ALG12: variants seen among roughly 807,000 people sequenced by gnomAD.
The protein encoded by ALG12 is dol-P-Man:Man(7)GlcNAc(2)-PP-Dol alpha-1,6-mannosyltransferase.
ALG12 carries 36 observed loss-of-function variants against 46.0 expected under a neutral mutation model. That is an observed-to-expected ratio of 0.78 (90% CI 0.60 to 1.03). The LOEUF is 1.03. ALG12 is among the 50% of genes least tolerant of loss of function. The pLI is 0.00. For synonymous variants in ALG12, 326 were observed against 291.6 expected, an observed-to-expected ratio of 1.12 and a Z score of -1.20; for missense variants, 599 against 633.5, an observed-to-expected ratio of 0.95 and a Z score of 0.58.
the ALG12 span, among the ~76,000 whole-genome samples, chr22:49,864,370 A>G: frequency 6.6e-6 from 1 of 152,244 alleles, no homozygotes; most frequent in Admixed American, 6.5e-5. Flanking sequence ...ATTACTGAAA[A>G]CAGTGAAGAT....
At chr22:49,892,704 T>C in the ALG12 span, among the ~76,000 whole-genome samples, 8 of 152,230 alleles carry the variant, frequency 5.3e-5, no homozygotes, top group African/African-American at 1.9e-4. Context: ...AGTCTGGACA[T>C]GGCTTGAGCC....
chr22:49,887,939 GA>G, the ALG12 span: 36 of 167,268 alleles, frequency 2.2e-4, no homozygotes, highest in African/African-American at 8.4e-4. Context: ...ATGACACGCT[GA>G]TGGCAGGTGG....
intron 1 of ALG12, among the ~76,000 whole-genome samples, chr22:49,916,695 A>G (rs2060611227): frequency 6.6e-6 from 1 of 152,226 alleles, no homozygotes; most frequent in Non-Finnish European, 1.5e-5. Flanking sequence ...CCACAAAAAT[A>G]ATCCCAGCTA....
At chr22:49,884,038 A>C in the ALG12 span, 26 of 1,603,592 alleles carry the variant, frequency 1.6e-5, no homozygotes, top group Non-Finnish European at 1.8e-5. Flanking sequence ...GCATTTTTTT[A>C]TCTCTCCCCG....
At position 49,910,576 on chromosome 22, in the gene ALG12, A is replaced by C. The variant is rs886057614; in HGVS notation, c.327T>G (p.Phe109Leu). Residue 109 changes from phenylalanine to leucine, a missense_variant, in exon 4 of 10, where the codon TTT becomes TTG. By Grantham distance (22) the Phe-to-Leu change is conservative (BLOSUM62 0). Coordinates refer to ENST00000330817, the MANE Select transcript of ALG12 (RefSeq NM_024105.4). ...VRGVLGLGVI[F>L]GLWTLQKEVR... ...CTTCCTTTTGTAACGTCCAGAGTCCAAAAATCACGCCGAGTCCAAGCACTC... is the reference window on the plus strand; with the variant it reads ...CTTCCTTTTGTAACGTCCAGAGTCCCAAAATCACGCCGAGTCCAAGCACTC... 1.3e-5 allele frequency: 21 copies of C among 1,614,044 alleles called. No homozygotes were observed. Among genetic ancestry groups the C allele is most frequent in the Non-Finnish European group, 1.6e-5 (19 of 1,180,042 alleles).
At position 49,904,157 on chromosome 22, in the gene ALG12, C is replaced by A. The variant is rs2060530003; in HGVS notation, c.1238+22G>T. 3 of 1,614,190 alleles carry A rather than the reference C, an allele frequency of 1.9e-6. No individual in the cohort carries two copies. The Admixed American group carries it at 5.0e-5, about 27-fold the overall frequency. ...GGCCCTCACATGGCCTCTGGGAGGGCCGTGCTGTGTGTGGATCCTACCTCC... is the reference window on the plus strand; with the variant it reads ...GGCCCTCACATGGCCTCTGGGAGGGACGTGCTGTGTGTGGATCCTACCTCC... On this transcript the variant is annotated intron_variant, in intron 9 of 9. Coordinates refer to ENST00000330817, the MANE Select transcript of ALG12 (RefSeq NM_024105.4).
At chr22:49,916,201 C>T (rs958834635) in intron 1 of ALG12, among the ~76,000 whole-genome samples, 8 of 152,026 alleles carry the variant, frequency 5.3e-5, no homozygotes, top group Non-Finnish European at 1.2e-4. Context: ...TGCAGTGAGC[C>T]GAGATCGCGC....
the ALG12 span, among the ~76,000 whole-genome samples, chr22:49,876,469 T>C: frequency 6.6e-6 from 1 of 152,238 alleles, no homozygotes; most frequent in African/African-American, 2.4e-5. Context: ...TATATGCACC[T>C]TTGGGAGAAT....
chr22:49,859,615 C>A, the ALG12 span, among the ~76,000 whole-genome samples: 1 of 152,206 alleles, frequency 6.6e-6, no homozygotes, highest in Non-Finnish European at 1.5e-5. Context: ...AGTCATTGTG[C>A]TTGTCTGTTA....
the ALG12 span, among the ~76,000 whole-genome samples, chr22:49,871,758 T>TTTTA: frequency 1.7e-5 from 2 of 119,772 alleles, no homozygotes; most frequent in South Asian, 2.8e-4. Context: ...TATTTATTTA[T>TTTTA]TTTTTTTTTT....
At chr22:49,864,839 A>AAAAAG in the ALG12 span, among the ~76,000 whole-genome samples, 727 of 133,060 alleles carry the variant, frequency 5.5e-3, 64 homozygotes, top group African/African-American at 0.024. Flanking sequence ...AAAAAAAAAA[A>AAAAAG]GCCCTGATTA....
At chr22:49,896,723 C>T (rs879353252), downstream of ALG12, among the ~76,000 whole-genome samples, 4 of 152,182 alleles carry the variant, frequency 2.6e-5, no homozygotes, top group Non-Finnish European at 5.9e-5. Context: ...GCAACCTCCG[C>T]CTCCCGGGTT....
In ALG12 at chr22:49,904,048, A is replaced by C. The variant is rs139716648; in HGVS notation, c.1257T>G (p.Asp419Glu). 1 of 1,614,128 alleles carries C rather than the reference A, an allele frequency of 6.2e-7. No individual in the cohort carries two copies. The highest frequency in any genetic ancestry group is 2.2e-5 in the East Asian group (1 of 44,874). The change falls in exon 10 of 10, where the codon GAT becomes GAG. Residue 419 changes from aspartate (D) to glutamate (E), a missense_variant. Physicochemically the swap from Asp to Glu is conservative, Grantham distance 45. Coordinates refer to ENST00000330817, the MANE Select transcript of ALG12 (RefSeq NM_024105.4). The part of the protein sequence containing the change: ...NSAWRYDKRE[D>E]VQPGTGMLAY... ...CCAGCATGCCTGTCCCCGGCTGCAC[A>C]TCCTCCCTCTTGTCGTACCTGTGGG... is the stretch of plus-strand genomic sequence containing the variant.
chr22:49,886,653 C>T, the ALG12 span: 5 of 1,603,230 alleles, frequency 3.1e-6, no homozygotes, highest in Non-Finnish European at 3.4e-6. This position sits in a 1 kb window ranked among gnomAD's most constrained non-coding sequence, Gnocchi z 7.7. Context: ...CTGCCACCCT[C>T]CACGACCCGC....
the ALG12 span, among the ~76,000 whole-genome samples, chr22:49,867,035 A>T: frequency 3.9e-5 from 6 of 152,248 alleles, no homozygotes; most frequent in Middle Eastern, 3.4e-3. Context: ...TAACACAGGT[A>T]TGTAGAGCTT....
chr22:49,861,580 C>T, the ALG12 span, among the ~76,000 whole-genome samples: 19 of 152,132 alleles, frequency 1.2e-4, no homozygotes, highest in African/African-American at 4.1e-4. Context: ...ACTACAGGCG[C>T]ATGCCACCAT....
At position 49,904,321 on chromosome 22, in the gene ALG12, T is replaced by C. The variant is rs763646892; in HGVS notation, c.1162+16A>G. ...CGGAGCCACAGCAGTCCCCAGGCAG[T>C]GCCCCCAGCACCCACCTGTCTGGGG... On this transcript the variant is annotated intron_variant, in intron 8 of 9. Coordinates refer to ENST00000330817, the MANE Select transcript of ALG12 (RefSeq NM_024105.4). 2 of 1,614,050 alleles carry C rather than the reference T, an allele frequency of 1.2e-6. No individual in the cohort carries two copies. The highest frequency in any genetic ancestry group is 1.7e-5 in the Admixed American group (1 of 60,020).
At chr22:49,883,389 C>G in the ALG12 span, 1 of 310,912 alleles carries the variant, frequency 3.2e-6, no homozygotes, top group East Asian at 5.2e-5. Context: ...ATCCTGTCCT[C>G]AGGACCAGAA....
At position 49,910,090 on chromosome 22, in the gene ALG12, T is replaced by C. The variant is rs1334510402; in HGVS notation, c.470-2A>G. 6.2e-7 allele frequency: 1 copy of C among 1,601,416 alleles called. No individual in the cohort carries two copies. The highest frequency in any genetic ancestry group is 8.5e-7 in the Non-Finnish European group (1 of 1,174,786). The stretch of plus-strand genomic sequence containing the variant: ...GCCAGGCCGCGAGGGCCAGCAGGAC[T>C]GCAAGACAGTGCGGGAGGGTGCTCG... On this transcript the variant is annotated splice_acceptor_variant, in intron 4 of 9. Transcript: ENST00000330817. LOFTEE classifies it high-confidence loss of function.
Sources: allele counts gnomAD v4.1 joint callset (sites outside exome capture counted in the v4.1 genomes callset), GRCh38; gene constraint gnomAD v4.1.1; non-coding constraint Gnocchi (gnomAD v3.1); transcripts MANE v1.5; gene names NCBI Gene and HGNC (gene_info 2026-07-23, HGNC 2026-07-21).